PIK3C2G: variants seen among roughly 807,000 people sequenced by gnomAD.
PIK3C2G encodes phosphatidylinositol-4-phosphate 3-kinase catalytic subunit type 2 gamma.
Under a neutral mutation model 181.1 loss-of-function variants are expected in PIK3C2G, and 168 were observed. The observed-to-expected ratio is 0.93, with a 90% CI of 0.82 to 1.05. The LOEUF (loss-of-function observed/expected upper bound fraction) is 1.05. Ranked by LOEUF, PIK3C2G falls within the 50% of genes least tolerant of loss-of-function variation. The probability of loss-of-function intolerance (pLI) is 0.00; values close to 1 mark genes in which losing one functional copy is unlikely to be tolerated. For missense variants in PIK3C2G, 1,869 were observed against 1,732.8 expected (o/e 1.08, Z -1.40); for synonymous variants, 573 against 592.2 (o/e 0.97, Z 0.47).
At chr12:18,446,129 T>C (rs1947013363) in intron 18 of PIK3C2G, among the ~76,000 whole-genome samples, 2 of 152,186 alleles carry the variant, frequency 1.3e-5, no homozygotes. Context: ...CATATCTTTT[T>C]ATATAAACAC....
chr12:18,593,608 A>G (rs1450053506), intron 29 of PIK3C2G, among the ~76,000 whole-genome samples: 1 of 151,878 alleles, frequency 6.6e-6, no homozygotes, highest in East Asian at 2.0e-4. Flanking sequence ...CCCTTTAGAT[A>G]ATAATGTAAG....
rs183855761 is a variant in PIK3C2G at position 18,409,993 on chromosome 12, A to G, written c.2315+10146A>G. ...AGAACTCTATCACTAGAACAGCACT[A>G]AAGGGGGAAATCTGCCCCCATGAGT... On this transcript the variant is annotated intron_variant, in intron 16 of 32. Transcript: ENST00000538779. 3.4e-3 allele frequency among the ~76,000 whole-genome samples: 512 copies of G among 152,162 alleles called. 3 individuals are homozygous for G. The highest frequency in any genetic ancestry group is 0.012 in the African/African-American group (482 of 41,508).
chr12:18,636,712 A>G (rs2136766619), intron 31 of PIK3C2G, among the ~76,000 whole-genome samples: 1 of 152,326 alleles, frequency 6.6e-6, no homozygotes, highest in Admixed American at 6.5e-5. Flanking sequence ...AGATTCATCC[A>G]TATGGCCAAA....
chr12:18,401,143 T>C (rs1415040107), intron 16 of PIK3C2G, among the ~76,000 whole-genome samples: 1 of 152,154 alleles, frequency 6.6e-6, no homozygotes, highest in East Asian at 1.9e-4. Flanking sequence ...GAAGGCTTAG[T>C]ATTACCTAGG....
At chr12:18,323,687 C>T (rs1307940676) in intron 7 of PIK3C2G, among the ~76,000 whole-genome samples, 1 of 151,892 alleles carries the variant, frequency 6.6e-6, no homozygotes, top group Non-Finnish European at 1.5e-5. Context: ...TACAATGCTT[C>T]CCTGCCTGCC....
the PIK3C2G span, among the ~76,000 whole-genome samples, chr12:18,678,909 A>G: frequency 1.3e-5 from 2 of 152,064 alleles, no homozygotes; most frequent in Non-Finnish European, 2.9e-5. Context: ...CTTTGTAAGA[A>G]ATGGTCAAAC....
chr12:18,324,923 C>T, intron 7 of PIK3C2G, 112 bp from the exon 8 acceptor site: 1 of 575,954 alleles, frequency 1.7e-6, no homozygotes, highest in Non-Finnish European at 3.1e-6. Flanking sequence ...CTTTTTATAC[C>T]ATGCCTACGA....
At chr12:18,544,786 C>T (rs1944336702) in intron 25 of PIK3C2G, among the ~76,000 whole-genome samples, 1 of 151,824 alleles carries the variant, frequency 6.6e-6, no homozygotes, top group South Asian at 2.1e-4. Context: ...CTCCCTCATC[C>T]ATCTCCTTGG....
intron 24 of PIK3C2G, among the ~76,000 whole-genome samples, chr12:18,505,969 G>T (rs1219393075): frequency 6.6e-6 from 1 of 152,168 alleles, no homozygotes; most frequent in Non-Finnish European, 1.5e-5. Flanking sequence ...TCTAGTAGGG[G>T]TGACAGACAT....
Position 18,640,459 on chromosome 12 carries a change from C to T in PIK3C2G, c.4213C>T (p.His1405Tyr), listed in dbSNP as rs1949789339. 3 of 1,610,036 alleles carry T rather than the reference C, an allele frequency of 1.9e-6. No homozygotes were observed. Among genetic ancestry groups the T allele is most frequent in the Non-Finnish European group, 2.5e-6 (3 of 1,177,778 alleles). ...HLPDGSAPSA[H>Y]VEFYLLPYPS... Reference sequence around the variant, plus strand: ...CCCAGATGGCTCTGCGCCCAGTGCACATGTTGAATTTTATCTTTTACCATA... The same window carrying T: ...CCCAGATGGCTCTGCGCCCAGTGCATATGTTGAATTTTATCTTTTACCATA... Residue 1405 changes from histidine to tyrosine, a missense_variant, in exon 32 of 33, where the codon CAT becomes TAT. Coordinates refer to ENST00000538779, the MANE Select transcript of PIK3C2G (RefSeq NM_001288772.2).
chr12:18,467,934 G>T (rs925921726), intron 18 of PIK3C2G, among the ~76,000 whole-genome samples: 13 of 151,936 alleles, frequency 8.6e-5, no homozygotes, highest in Non-Finnish European at 1.9e-4. Flanking sequence ...TTTACATGTG[G>T]TTTTTGCTCC....
intron 6 of PIK3C2G, among the ~76,000 whole-genome samples, chr12:18,319,583 T>C (rs1305793730): frequency 1.3e-5 from 2 of 152,198 alleles, no homozygotes; most frequent in South Asian, 4.1e-4. Flanking sequence ...CTATGACTAA[T>C]ACCGAAAATA....
At chr12:18,400,219 GC>G (rs1365754020) in intron 16 of PIK3C2G, among the ~76,000 whole-genome samples, 3 of 152,034 alleles carry the variant, frequency 2.0e-5, no homozygotes, top group African/African-American at 7.2e-5. Flanking sequence ...TTAGCAAAAT[GC>G]CCTGTGTAAA....
At chr12:18,611,509 A>G (rs551544920) in intron 31 of PIK3C2G, among the ~76,000 whole-genome samples, 1 of 152,172 alleles carries the variant, frequency 6.6e-6, no homozygotes, top group East Asian at 1.9e-4. Context: ...TTCCAAATCT[A>G]CAATTCCAGC....
At chr12:18,572,236 ATTC>A (rs1945983551) in intron 29 of PIK3C2G, among the ~76,000 whole-genome samples, 1 of 149,434 alleles carries the variant, frequency 6.7e-6, no homozygotes, top group Admixed American at 6.7e-5. Context: ...TTAGTCTTTT[ATTC>A]TTCAGGGATA....
At chr12:18,523,466 G>A (rs577742845) in intron 24 of PIK3C2G, among the ~76,000 whole-genome samples, 45 of 152,314 alleles carry the variant, frequency 3.0e-4, no homozygotes, top group Non-Finnish European at 6.3e-4. Flanking sequence ...TCACTGCTCT[G>A]CAGCTAAAGT....
chr12:18,618,338 A>C (rs982585558), intron 31 of PIK3C2G, among the ~76,000 whole-genome samples: 19 of 152,166 alleles, frequency 1.2e-4, no homozygotes, highest in African/African-American at 4.6e-4. Flanking sequence ...AATCTACACA[A>C]TTCTCAGCCT....
At position 18,628,573 on chromosome 12, in the gene PIK3C2G, T is replaced by C. The variant is rs536806995; in HGVS notation, c.4183-11856T>C. Among the ~76,000 whole-genome samples the C allele has an allele frequency of 7.9e-5, 12 of 152,314 alleles. 1 individual carries two copies. The highest frequency in any genetic ancestry group is 2.4e-4 in the African/African-American group (10 of 41,580). On this transcript the variant is annotated intron_variant, in intron 31 of 32. Coordinates refer to ENST00000538779, the MANE Select transcript of PIK3C2G (RefSeq NM_001288772.2). ...AAACAATACCATTTAGAGGTCAACA[T>C]TGTGAACAAAGAATTACTAATATGC...
At chr12:18,303,078 G>A (rs996212173) in intron 5 of PIK3C2G, among the ~76,000 whole-genome samples, 4 of 134,460 alleles carry the variant, frequency 3.0e-5, no homozygotes, top group Non-Finnish European at 6.4e-5. Flanking sequence ...TGTGATTTAA[G>A]TAATTTCTTT....
Sources: gnomAD v4.1 joint callset for allele counts (sites outside exome capture counted in the v4.1 genomes callset) on GRCh38, gnomAD v4.1.1 for gene constraint, MANE v1.5 for transcripts, NCBI Gene and HGNC (gene_info 2026-07-23, HGNC 2026-07-21) for gene names.